Variants in UTRN observed in about 807,000 individuals in gnomAD.
UTRN encodes dystrophin-related protein 1.
A neutral mutation model predicts 463.9 loss-of-function variants in UTRN; 283 were observed. The observed-to-expected ratio is 0.61, with a 90% CI of 0.55 to 0.67. The LOEUF is 0.67. UTRN is among the 30% of genes least tolerant of loss of function. The pLI is 0.00. For missense variants in UTRN, 3,922 were observed against 4,084.3 expected (o/e 0.96, Z 1.08); for synonymous variants, 1,442 against 1,431.5 (o/e 1.01, Z -0.17).
Position 144,793,707 on chromosome 6 carries a change from C to G in UTRN, c.8921-127C>G. 4 of 1,128,724 alleles carry G rather than the reference C, an allele frequency of 3.5e-6. No homozygotes were observed. In the South Asian group the frequency reaches 6.8e-5, roughly 19 times the overall value. 69.9% of individuals were successfully genotyped at this position (1,128,724 alleles called of 1,614,324 possible). ...AAGGTCATTGGAATTCAGGAGACAACGAATCAGATTCATGTCCTTCTGAAA... is the reference window on the plus strand; with the variant it reads ...AAGGTCATTGGAATTCAGGAGACAAGGAATCAGATTCATGTCCTTCTGAAA... On this transcript the variant is annotated intron_variant, in intron 62 of 74. Transcript: ENST00000367545.
chr6:144,483,640 G>T (rs969438645), intron 27 of UTRN, among the ~76,000 whole-genome samples: 5 of 152,030 alleles, frequency 3.3e-5, no homozygotes, highest in Non-Finnish European at 7.4e-5. Context: ...TAGAGATGGG[G>T]GTCTTGCTAT....
intron 53 of UTRN, among the ~76,000 whole-genome samples, chr6:144,703,716 G>A (rs545263811): frequency 2.0e-5 from 3 of 152,288 alleles, no homozygotes; most frequent in East Asian, 3.9e-4. Flanking sequence ...AGACCATCTT[G>A]TTGACCTTGG....
chr6:144,560,106 A>G (rs1189211487), intron 50 of UTRN, among the ~76,000 whole-genome samples: 1 of 152,168 alleles, frequency 6.6e-6, no homozygotes, highest in African/African-American at 2.4e-5. Flanking sequence ...CAACAACTGC[A>G]GGAGAGAGGT....
In UTRN at chr6:144,503,834, G is replaced by A. The variant is rs189683823; in HGVS notation, c.4764+4407G>A. Among the ~76,000 whole-genome samples, 568 of 152,230 alleles carry A rather than the reference G, an allele frequency of 3.7e-3. 4 individuals carry two copies. The highest frequency in any genetic ancestry group is 0.012 in the East Asian group (63 of 5,188). ...GCATTGAATCTAAAAATTACTTTGAGCAGTATGGCCATTTTCACAGTATTG... is the reference window on the plus strand; with the variant it reads ...GCATTGAATCTAAAAATTACTTTGAACAGTATGGCCATTTTCACAGTATTG... On this transcript the variant is annotated intron_variant, in intron 34 of 74. Transcript: ENST00000367545.
intron 58 of UTRN, among the ~76,000 whole-genome samples, chr6:144,759,903 C>A (rs1792456075): frequency 6.6e-6 from 1 of 152,018 alleles, no homozygotes; most frequent in Admixed American, 6.6e-5. Context: ...TCAAGAAGTT[C>A]ACGCAAATTA....
intron 2 of UTRN, among the ~76,000 whole-genome samples, chr6:144,393,271 T>A (rs1228046315): frequency 6.6e-6 from 1 of 152,202 alleles, no homozygotes; most frequent in Non-Finnish European, 1.5e-5. Flanking sequence ...AATTTGCAAC[T>A]CCTTAACAAC....
intron 65 of UTRN, among the ~76,000 whole-genome samples, chr6:144,803,872 G>C (rs1777915342): frequency 6.6e-6 from 1 of 151,986 alleles, no homozygotes; most frequent in South Asian, 2.1e-4. Context: ...ATGAATATGG[G>C]TATTTTTTAT....
At position 144,830,729 on chromosome 6, in the gene UTRN, G is replaced by GTTTTTTGT. The variant is rs147360517; in HGVS notation, c.9665+1880_9665+1881insGTTTTTTT. Among the ~76,000 whole-genome samples the GTTTTTTGT allele has an allele frequency of 3.1e-3, 439 of 140,860 alleles. 3 individuals are homozygous for GTTTTTTGT. Among genetic ancestry groups the GTTTTTTGT allele is most frequent in the African/African-American group, 8.8e-3 (337 of 38,312 alleles). 92.4% of individuals were successfully genotyped at this position (140,860 alleles called of 152,430 possible). On this transcript the variant is annotated intron_variant, in intron 69 of 74. Coordinates refer to ENST00000367545, the MANE Select transcript of UTRN (RefSeq NM_007124.3). The stretch of plus-strand genomic sequence containing the variant: ...ATTTGTTTTTTGTTTTTTGTTTTTT[G>GTTTTTTGT]TTTTTTTTTTGCTTTTTTAGCTCAT...
At chr6:144,628,611 C>T (rs941327077) in intron 51 of UTRN, among the ~76,000 whole-genome samples, 3 of 152,178 alleles carry the variant, frequency 2.0e-5, no homozygotes, top group Non-Finnish European at 2.9e-5. Flanking sequence ...CTCCTTCATT[C>T]TGAGTTGTTC....
intron 2 of UTRN, among the ~76,000 whole-genome samples, chr6:144,328,767 T>G (rs1175317138): frequency 6.6e-6 from 1 of 151,962 alleles, no homozygotes; most frequent in African/African-American, 2.4e-5. Context: ...ATAGACTCCT[T>G]TGGCAGTTTA....
chr6:144,694,523 C>G (rs183702218), intron 52 of UTRN, among the ~76,000 whole-genome samples: 1 of 151,514 alleles, frequency 6.6e-6, no homozygotes, highest in Admixed American at 6.6e-5. Flanking sequence ...TGGTCCTGGG[C>G]TTTTTTTTGG....
intron 2 of UTRN, among the ~76,000 whole-genome samples, chr6:144,350,062 C>T (rs191645976): frequency 3.9e-5 from 6 of 152,284 alleles, no homozygotes; most frequent in Admixed American, 1.3e-4. Context: ...TAAAGGAACA[C>T]AGGCCAAACT....
chr6:144,518,828 G>T (rs1265463224), intron 39 of UTRN, among the ~76,000 whole-genome samples: 1 of 152,074 alleles, frequency 6.6e-6, no homozygotes, highest in Non-Finnish European at 1.5e-5. Flanking sequence ...ATTGGTAGGC[G>T]AACTATGTTA....
At chr6:144,538,240 T>C (rs1322474948) in intron 44 of UTRN, among the ~76,000 whole-genome samples, 4 of 152,178 alleles carry the variant, frequency 2.6e-5, no homozygotes, top group Admixed American at 2.0e-4. Context: ...TCTATAAAAA[T>C]TCATACATAT....
At chr6:144,833,299 G>A (rs1166885300) in intron 69 of UTRN, among the ~76,000 whole-genome samples, 6 of 152,156 alleles carry the variant, frequency 3.9e-5, no homozygotes, top group Non-Finnish European at 7.3e-5. Context: ...TCATATGGAT[G>A]GATAGGTTAG....
At chr6:144,394,813 G>T (rs78657282) in intron 2 of UTRN, among the ~76,000 whole-genome samples, 7,914 of 151,932 alleles carry the variant, frequency 0.052, 682 homozygotes, top group African/African-American at 0.18. Context: ...ATAACATGAG[G>T]AAAATAATGA....
chr6:144,825,467 CTTTT>C (rs1293246049), intron 66 of UTRN, among the ~76,000 whole-genome samples: 2 of 152,064 alleles, frequency 1.3e-5, no homozygotes, highest in Non-Finnish European at 2.9e-5. Context: ...CAAGGTTTGA[CTTTT>C]TTATCTCTAT....
intron 51 of UTRN, among the ~76,000 whole-genome samples, chr6:144,611,464 A>G (rs1036024426): frequency 2.6e-5 from 4 of 152,204 alleles, no homozygotes; most frequent in African/African-American, 4.8e-5. Flanking sequence ...CTGTATAGAA[A>G]ACCCTAATGA....
rs757451081 is a variant in UTRN at position 144,493,317 on chromosome 6, TGA to T, written c.4456_4457del (p.Ser1486Ter). On this transcript the variant is annotated frameshift_variant, in exon 33 of 75. Coordinates refer to ENST00000367545, the MANE Select transcript of UTRN (RefSeq NM_007124.3). LOFTEE classifies it high-confidence loss of function. ...GTTTTAAAGAAACTGTATAAAACTTTGAGTGAAGTCAAACTTGAAGTGGAAAC... is the reference window on the plus strand; with the variant it reads ...GTTTTAAAGAAACTGTATAAAACTTTGTGAAGTCAAACTTGAAGTGGAAAC... The T allele has an allele frequency of 1.9e-6, 3 of 1,614,024 alleles. No homozygotes were observed. The highest frequency in any genetic ancestry group is 2.5e-6 in the Non-Finnish European group (3 of 1,179,996).
Sources: allele counts gnomAD v4.1 joint callset (sites outside exome capture counted in the v4.1 genomes callset), GRCh38; gene constraint gnomAD v4.1.1; transcripts MANE v1.5; gene names NCBI Gene and HGNC (gene_info 2026-07-23, HGNC 2026-07-21).